PPP2R5A: variants seen among roughly 807,000 people sequenced by gnomAD.
PPP2R5A encodes serine/threonine-protein phosphatase 2A 56 kDa regulatory subunit alpha isoform.
A neutral mutation model predicts 64.2 loss-of-function variants in PPP2R5A; 25 were observed. The ratio of observed to expected loss-of-function variants is 0.39; its 90% confidence interval spans 0.28 to 0.54. The LOEUF (loss-of-function observed/expected upper bound fraction) is 0.54. Among genes scored for constraint, PPP2R5A ranks in the 20% least tolerant of loss-of-function variants. The pLI is 0.67. For synonymous variants in PPP2R5A, 198 were observed against 201.2 expected, an observed-to-expected ratio of 0.98 and a Z score of 0.13; for missense variants, 425 against 576.3, an observed-to-expected ratio of 0.74 and a Z score of 2.69.
At chr1:212,299,956 G>A (rs547901129) in intron 1 of PPP2R5A, among the ~76,000 whole-genome samples, 27 of 152,104 alleles carry the variant, frequency 1.8e-4, no homozygotes, top group African/African-American at 5.8e-4. Flanking sequence ...GGGATTATAG[G>A]CTCCCGCCAC....
chr1:212,304,610 C>T (rs1388405904), intron 1 of PPP2R5A, among the ~76,000 whole-genome samples: 3 of 150,834 alleles, frequency 2.0e-5, no homozygotes, highest in Non-Finnish European at 4.4e-5. Flanking sequence ...GTGCAGTGGC[C>T]GTTCACAGAT....
At chr1:212,333,688 G>A (rs908051874) in intron 3 of PPP2R5A, 90 bp downstream of exon 3, 10 of 692,616 alleles carry the variant, frequency 1.4e-5, no homozygotes, top group Admixed American at 3.7e-5. Context: ...GAGTGTCTGT[G>A]TAAAATATTT....
At chr1:212,288,719 C>T (rs1250380954) in intron 1 of PPP2R5A, among the ~76,000 whole-genome samples, 1 of 151,876 alleles carries the variant, frequency 6.6e-6, no homozygotes, top group Non-Finnish European at 1.5e-5. Context: ...TAGTTTTTTC[C>T]ATTTGTGGCC....
intron 1 of PPP2R5A, among the ~76,000 whole-genome samples, chr1:212,295,214 G>A (rs1658670370): frequency 6.6e-6 from 1 of 152,182 alleles, no homozygotes. Context: ...CAGTAATCCA[G>A]ACAAGAGATA....
rs765115366 is a variant in PPP2R5A, at chr1:212,356,935, A to T, written c.979-15A>T. On this transcript the variant is annotated splice_polypyrimidine_tract_variant and intron_variant, in intron 9 of 12. Transcript: ENST00000261461. ...AATTTATCATGTTTCTTAAAATAAA[A>T]TTTTTTTAACCTAGGTGATGTTTTT... The T allele has an allele frequency of 1.8e-5, 27 of 1,507,044 alleles. No individual in the cohort carries two copies. The highest frequency in any genetic ancestry group is 1.4e-4 in the African/African-American group (10 of 70,784). 93.4% of individuals were successfully genotyped at this position (1,507,044 alleles called of 1,614,324 possible).
intron 1 of PPP2R5A, among the ~76,000 whole-genome samples, chr1:212,327,164 A>G (rs1314002744): frequency 6.6e-6 from 1 of 152,190 alleles, no homozygotes; most frequent in Non-Finnish European, 1.5e-5. Flanking sequence ...TAAAGTATGT[A>G]CTGGTTTTGA....
At chr1:212,341,207 T>A (rs1659679781) in intron 3 of PPP2R5A, among the ~76,000 whole-genome samples, 1 of 152,222 alleles carries the variant, frequency 6.6e-6, no homozygotes, top group Non-Finnish European at 1.5e-5. Flanking sequence ...AGTGAACATT[T>A]GCTATTACTT....
chr1:212,335,180 T>A (rs555752397), intron 3 of PPP2R5A, among the ~76,000 whole-genome samples: 1 of 152,110 alleles, frequency 6.6e-6, no homozygotes, highest in South Asian at 2.1e-4. Context: ...TTTTCTGTTA[T>A]TATAAAAAGA....
intron 1 of PPP2R5A, among the ~76,000 whole-genome samples, chr1:212,323,900 C>T (rs888277332): frequency 1.6e-4 from 24 of 151,956 alleles, no homozygotes; most frequent in Non-Finnish European, 2.9e-4. Flanking sequence ...GGTGAAACCC[C>T]GTCTCTACTA....
At position 212,285,448 on chromosome 1, in the gene PPP2R5A, C is replaced by G. The variant is rs1462076921; in HGVS notation, c.-663C>G. 6.6e-6 allele frequency: 1 copy of G among 152,436 alleles called. No homozygotes were observed. The highest frequency in any genetic ancestry group is 6.5e-5 in the Admixed American group (1 of 15,288). The allele number at this position is 152,436 out of a possible 1,614,324, so 9.4% of individuals were successfully genotyped here. A position where few individuals can be genotyped will look rare whatever the true frequency, so the allele number is the denominator to read the frequency against. ...AACCACCTTCTCAAGTTGTAGCGGT[C>G]GCTCGCCTGGGGTTCTCCGTGGGCG... On this transcript the variant is annotated 5_prime_UTR_variant, in exon 1 of 13. Coordinates refer to ENST00000261461, the MANE Select transcript of PPP2R5A (RefSeq NM_006243.4).
chr1:212,286,382 C>T (rs1036995347), intron 1 of PPP2R5A, 91 bp downstream of exon 1: 31 of 1,351,148 alleles, frequency 2.3e-5, no homozygotes, highest in Non-Finnish European at 2.9e-5. Context: ...CTGGGTTTCT[C>T]CTGCTCAGTT....
At chr1:212,355,458 T>A (rs1659961683) in intron 8 of PPP2R5A, among the ~76,000 whole-genome samples, 1 of 152,188 alleles carries the variant, frequency 6.6e-6, no homozygotes, top group African/African-American at 2.4e-5. Context: ...CCAGACAGAC[T>A]ATAAAGTAAC....
At chr1:212,318,237 CAT>C (rs1216131139) in intron 1 of PPP2R5A, among the ~76,000 whole-genome samples, 4 of 151,702 alleles carry the variant, frequency 2.6e-5, no homozygotes, top group African/African-American at 9.7e-5. Flanking sequence ...TTTAAAAACA[CAT>C]CTTTTAGTCA....
intron 1 of PPP2R5A, among the ~76,000 whole-genome samples, chr1:212,287,196 A>G (rs1258510503): frequency 6.6e-6 from 1 of 152,098 alleles, no homozygotes; most frequent in Non-Finnish European, 1.5e-5. Flanking sequence ...CTGGTGTTCT[A>G]GTTTATTCTT....
intron 6 of PPP2R5A, 134 bp downstream of exon 6, chr1:212,347,540 G>A: frequency 6.6e-6 from 4 of 606,084 alleles, no homozygotes; most frequent in South Asian, 6.4e-5. Context: ...CTCAACTGAA[G>A]TCTTTTTTTT....
At chr1:212,334,807 G>A (rs1352080595) in intron 3 of PPP2R5A, among the ~76,000 whole-genome samples, 1 of 152,066 alleles carries the variant, frequency 6.6e-6, no homozygotes, top group Admixed American at 6.5e-5. Flanking sequence ...TTCTTTTGCT[G>A]CTATAAATGT....
rs546287730 is a variant in PPP2R5A, at chr1:212,322,987, C to T, written c.182-6148C>T. On this transcript the variant is annotated intron_variant, in intron 1 of 12. Transcript: ENST00000261461. ...GTTTTTAGTAGAGACGGTGTTTCAC[C>T]GTGTTAGCCAGGATGGTCTCGATCT... Among the ~76,000 whole-genome samples, 34 of 152,212 alleles carry T rather than the reference C, an allele frequency of 2.2e-4. No individual in the cohort carries two copies. The South Asian group carries it at 6.6e-3, about 30-fold the overall frequency.
At chr1:212,346,274 C>CGTA (rs1206814070) in intron 5 of PPP2R5A, among the ~76,000 whole-genome samples, 1 of 151,446 alleles carries the variant, frequency 6.6e-6, no homozygotes, top group Admixed American at 6.6e-5. Context: ...ATATATGTAA[C>CGTA]GTAGTATATA....
chr1:212,332,735 T>C (rs543237072), intron 2 of PPP2R5A, among the ~76,000 whole-genome samples: 3 of 152,206 alleles, frequency 2.0e-5, no homozygotes, highest in Non-Finnish European at 4.4e-5. Flanking sequence ...AAACTCTGAG[T>C]TATAAGGCAA....
Sources: gnomAD v4.1 joint callset for allele counts (sites outside exome capture counted in the v4.1 genomes callset) on GRCh38, gnomAD v4.1.1 for gene constraint, MANE v1.5 for transcripts, NCBI Gene and HGNC (gene_info 2026-07-23, HGNC 2026-07-21) for gene names.